ST3GAL2: variants seen among roughly 807,000 people sequenced by gnomAD.
ST3GAL2 encodes CMP-N-acetylneuraminate-beta-galactosamide-alpha-2,3-sialyltransferase 2.
A neutral mutation model predicts 37.5 loss-of-function variants in ST3GAL2; 16 were observed. The ratio of observed to expected loss-of-function variants is 0.43; its 90% CI spans 0.29 to 0.65. ST3GAL2 has a LOEUF of 0.65. ST3GAL2 is among the 30% of genes least tolerant of loss of function. ST3GAL2 has a pLI of 0.17. For missense variants in ST3GAL2, 383 were observed against 487.8 expected (o/e 0.79, Z 2.02); for synonymous variants, 238 against 202.9 (o/e 1.17, Z -1.47).
At chr16:70,409,062 T>A (rs1220240567) in intron 1 of ST3GAL2, among the ~76,000 whole-genome samples, 1 of 151,998 alleles carries the variant, frequency 6.6e-6, no homozygotes, top group Non-Finnish European at 1.5e-5. Flanking sequence ...GGAGCCCCAC[T>A]GTGTTTTGAG....
chr16:70,386,444 G>C (rs1361725469), intron 4 of ST3GAL2, among the ~76,000 whole-genome samples: 1 of 151,968 alleles, frequency 6.6e-6, no homozygotes, highest in Non-Finnish European at 1.5e-5. Flanking sequence ...CGCCCGCCTG[G>C]TCTCTCAAAG....
At chr16:70,403,648 C>T (rs1046095041) in intron 1 of ST3GAL2, among the ~76,000 whole-genome samples, 1 of 152,296 alleles carries the variant, frequency 6.6e-6, no homozygotes, top group South Asian at 2.1e-4. Context: ...CCCATCTCTA[C>T]TAAAAATACA....
At chr16:70,409,701 C>T (rs1041879972) in intron 1 of ST3GAL2, among the ~76,000 whole-genome samples, 1 of 151,836 alleles carries the variant, frequency 6.6e-6, no homozygotes, top group Non-Finnish European at 1.5e-5. Flanking sequence ...ATGCCGGTGG[C>T]GCAATCACAG....
chr16:70,392,562 A>G (rs1026817739), intron 3 of ST3GAL2, among the ~76,000 whole-genome samples: 4 of 152,100 alleles, frequency 2.6e-5, no homozygotes, highest in African/African-American at 9.7e-5. Context: ...TTGTGGATGG[A>G]TCTGCTGGCC....
At chr16:70,428,571 C>T (rs1382253378) in intron 1 of ST3GAL2, among the ~76,000 whole-genome samples, 2 of 152,202 alleles carry the variant, frequency 1.3e-5, no homozygotes, top group African/African-American at 4.8e-5. Flanking sequence ...GCTTGGGGCC[C>T]ATCTCTCCCC....
At chr16:70,397,639 T>A (rs1157807082) in intron 2 of ST3GAL2, among the ~76,000 whole-genome samples, 1 of 151,972 alleles carries the variant, frequency 6.6e-6, no homozygotes, top group Admixed American at 6.6e-5. Flanking sequence ...GGCAGGAGAA[T>A]CACTTGAACC....
At chr16:70,404,399 C>T (rs1019817592) in intron 1 of ST3GAL2, among the ~76,000 whole-genome samples, 4 of 152,180 alleles carry the variant, frequency 2.6e-5, no homozygotes, top group African/African-American at 9.6e-5. Context: ...GTGACCTTCA[C>T]AATGACTGAT....
chr16:70,436,856 A>G (rs1381208121), intron 1 of ST3GAL2, among the ~76,000 whole-genome samples: 1 of 152,192 alleles, frequency 6.6e-6, no homozygotes, highest in Non-Finnish European at 1.5e-5. Flanking sequence ...AATATGGCCA[A>G]AATAAGGCAG....
chr16:70,394,227 G>A (rs925670990), intron 3 of ST3GAL2, among the ~76,000 whole-genome samples: 2 of 152,132 alleles, frequency 1.3e-5, no homozygotes, highest in African/African-American at 2.4e-5. Flanking sequence ...AGCAAATACC[G>A]AACAGCTCCT....
intron 1 of ST3GAL2, among the ~76,000 whole-genome samples, chr16:70,403,808 C>T (rs1229770003): frequency 6.6e-6 from 1 of 152,002 alleles, no homozygotes; most frequent in Non-Finnish European, 1.5e-5. Flanking sequence ...GAGACACTGT[C>T]TCAAGCAAAC....
chr16:70,422,664 A>G (rs925168844), intron 1 of ST3GAL2, among the ~76,000 whole-genome samples: 1 of 152,068 alleles, frequency 6.6e-6, no homozygotes, highest in Non-Finnish European at 1.5e-5. Context: ...TAATACACAC[A>G]TAACGCCACA....
intron 1 of ST3GAL2, among the ~76,000 whole-genome samples, chr16:70,436,817 G>T (rs79725455): frequency 0.015 from 2,319 of 152,292 alleles, 53 homozygotes; most frequent in African/African-American, 0.052. Flanking sequence ...AGCATCCACA[G>T]TCTAATGAGA....
At position 70,381,643 on chromosome 16, in the gene ST3GAL2, C is replaced by A; in HGVS notation, c.*46G>T. ...CTGGTCCTGGGTCCCGGGCCGGAGC[C>A]CCGGTGCCCGATAGATGGGCCGGAA... On this transcript the variant is annotated 3_prime_UTR_variant, in exon 7 of 7. Transcript: ENST00000342907. 6.3e-7 allele frequency: 1 copy of A among 1,597,348 alleles called. No individual in the cohort carries two copies. The highest frequency in any genetic ancestry group is 8.5e-7 in the Non-Finnish European group (1 of 1,171,634).
At position 70,388,528 on chromosome 16, in the gene ST3GAL2, G is replaced by C; in HGVS notation, c.552C>G (p.Thr184=). 1.3e-6 allele frequency: 2 copies of C among 1,599,198 alleles called. No homozygotes were observed. Among genetic ancestry groups the C allele is most frequent in the Non-Finnish European group, 1.7e-6 (2 of 1,171,044 alleles). The change falls in exon 4 of 7, where the codon ACC becomes ACG. Residue 184 remains threonine, a synonymous_variant. Coordinates refer to ENST00000342907, the MANE Select transcript of ST3GAL2 (RefSeq NM_006927.4). ...TGCCAACATCCTGCTCAAAGCCCACGGTTGGCGCCTGATTCATCCTGCAGG... is the reference window on the plus strand; with the variant it reads ...TGCCAACATCCTGCTCAAAGCCCACCGTTGGCGCCTGATTCATCCTGCAGG... ...NFIMRMNQAP[T]VGFEQDVGSR... is the part of the protein sequence containing the mutation.
At chr16:70,420,990 T>C (rs1474650725) in intron 1 of ST3GAL2, among the ~76,000 whole-genome samples, 1 of 152,200 alleles carries the variant, frequency 6.6e-6, no homozygotes, top group Non-Finnish European at 1.5e-5. Flanking sequence ...GAGAGGTCAT[T>C]GTGAGCCCAC....
chr16:70,381,973 G>A, intron 6 of ST3GAL2, 111 bp from the exon 7 acceptor site: 1 of 1,407,436 alleles, frequency 7.1e-7, no homozygotes, highest in Admixed American at 1.9e-5. Context: ...GGGAGATGCA[G>A]GAGCCCCCAG....
intron 1 of ST3GAL2, among the ~76,000 whole-genome samples, chr16:70,429,938 C>G (rs761481391): frequency 6.6e-6 from 1 of 152,178 alleles, no homozygotes; most frequent in Non-Finnish European, 1.5e-5. Flanking sequence ...CCCCGGGTCA[C>G]ACAGCACCAA....
rs929161044 is a variant in ST3GAL2 at position 70,380,598 on chromosome 16, G to T, written c.*1091C>A. The stretch of plus-strand genomic sequence containing the variant: ...GGTGGAGGCAGGCGGCTTGCGGCGC[G>T]CAAGTCTCCTCTTCCCCGGCCGGCT... On this transcript the variant is annotated 3_prime_UTR_variant, in exon 7 of 7. Transcript: ENST00000342907. The T allele has an allele frequency of 6.6e-6, 1 of 152,324 alleles. No individual in the cohort carries two copies. The highest frequency in any genetic ancestry group is 1.5e-5 in the Non-Finnish European group (1 of 68,126). The allele number at this position is 152,324 out of a possible 1,614,324, so 9.4% of individuals were successfully genotyped here. A position where few individuals can be genotyped will look rare whatever the true frequency, so the allele number is the denominator to read the frequency against.
intron 1 of ST3GAL2, among the ~76,000 whole-genome samples, chr16:70,419,002 C>T (rs1441896576): frequency 2.6e-5 from 4 of 152,170 alleles, no homozygotes; most frequent in Admixed American, 6.5e-5. Flanking sequence ...CCAACCCGGG[C>T]GAGTCGCACA....
Sources: allele counts gnomAD v4.1 joint callset (sites outside exome capture counted in the v4.1 genomes callset), GRCh38; gene constraint gnomAD v4.1.1; transcripts MANE v1.5; gene names NCBI Gene and HGNC (gene_info 2026-07-23, HGNC 2026-07-21).